Variants in SEMA3C observed in about 807,000 individuals in gnomAD.
SEMA3C encodes semaphorin 3C.
SEMA3C carries 47 observed loss-of-function variants against 89.4 expected under a neutral mutation model. The observed-to-expected ratio is 0.53, with a 90% confidence interval of 0.42 to 0.67. SEMA3C has a LOEUF of 0.67. Ranked by LOEUF, SEMA3C falls within the 30% of genes least tolerant of loss-of-function variation. The probability of loss-of-function intolerance (pLI) is 0.00; values close to 1 mark genes in which losing one functional copy is unlikely to be tolerated. For synonymous variants in SEMA3C, 310 were observed against 320.2 expected (o/e 0.97, Z 0.34); for missense variants, 839 against 929.1 (o/e 0.90, Z 1.26).
chr7:80,779,099 C>A lies in SEMA3C; in HGVS notation c.1354+10207G>T, dbSNP rs1175622766. On this transcript the variant is annotated intron_variant, in intron 12 of 17. Transcript: ENST00000265361. ...TCTTTGACTTATCTGTCTGAATAGT[C>A]CACCAAATCTTCAACTTGATGTGAG... 2.6e-5 allele frequency among the ~76,000 whole-genome samples: 4 copies of A among 152,092 alleles called. No homozygotes were observed. The East Asian group carries it at 7.7e-4, about 29-fold the overall frequency.
chr7:80,818,551 G>A, intron 4 of SEMA3C, 133 bp from the exon 5 acceptor site: 1 of 956,082 alleles, frequency 1.0e-6, no homozygotes, highest in Non-Finnish European at 1.5e-6. Flanking sequence ...TTAGTCCAGG[G>A]GCGTCCAATC....
chr7:80,774,569 A>T (rs1788503783), intron 12 of SEMA3C, among the ~76,000 whole-genome samples: 1 of 152,194 alleles, frequency 6.6e-6, no homozygotes, highest in African/African-American at 2.4e-5. Context: ...ATAATAACAG[A>T]AATAAAATAT....
chr7:80,900,902 T>A (rs185893432), intron 2 of SEMA3C, among the ~76,000 whole-genome samples: 1 of 152,222 alleles, frequency 6.6e-6, no homozygotes. Flanking sequence ...ATGGAAAATA[T>A]GTAATTTGTG....
chr7:80,815,279 T>A (rs1453401021), intron 5 of SEMA3C, among the ~76,000 whole-genome samples: 1 of 151,992 alleles, frequency 6.6e-6, no homozygotes, highest in African/African-American at 2.4e-5. Flanking sequence ...ATGTCACAGA[T>A]CGTTCTAGGA....
rs765917535 is a variant in SEMA3C, at chr7:80,754,964, T to TTTTGTTTTTTTTTGTTTTTTG, written c.1643+3366_1643+3367insCAAAAAACAAAAAAAAACAAA. Among the ~76,000 whole-genome samples, 50 of 129,196 alleles carry TTTTGTTTTTTTTTGTTTTTTG rather than the reference T, an allele frequency of 3.9e-4. No individual in the cohort carries two copies. The East Asian group carries it at 4.1e-3, about 11-fold the overall frequency. The allele number at this position is 129,196 out of a possible 152,430, so 84.8% of individuals were successfully genotyped here. On this transcript the variant is annotated intron_variant, in intron 15 of 17. Coordinates refer to ENST00000265361, the MANE Select transcript of SEMA3C (RefSeq NM_006379.5). ...GGCGAATTGTTTTTTTTTGTTTTTTTTTTTTTTGTATTTTTAGTAGAGATG... is the reference window on the plus strand; with the variant it reads ...GGCGAATTGTTTTTTTTTGTTTTTTTTTTGTTTTTTTTTGTTTTTTGTTTTTTTGTATTTTTAGTAGAGATG...
chr7:80,808,301 A>G, intron 6 of SEMA3C, among the ~76,000 whole-genome samples: 1 of 136,568 alleles, frequency 7.3e-6, no homozygotes, highest in Non-Finnish European at 1.7e-5. Flanking sequence ...GAAACAAATG[A>G]AAACTATATA....
intron 2 of SEMA3C, among the ~76,000 whole-genome samples, chr7:80,863,876 G>GTATGTGATATGTGATATATA (rs1790850467): frequency 1.7e-5 from 2 of 114,560 alleles, no homozygotes; most frequent in East Asian, 5.4e-4. Context: ...ACATATATAT[G>GTATGTGATATGTGATATATA]TATCACATAT....
At chr7:80,793,872 T>G (rs561926017) in intron 11 of SEMA3C, among the ~76,000 whole-genome samples, 4 of 150,984 alleles carry the variant, frequency 2.6e-5, no homozygotes, top group African/African-American at 9.7e-5. Flanking sequence ...ACCTAACACG[T>G]GGGGGATGAG....
intron 2 of SEMA3C, among the ~76,000 whole-genome samples, chr7:80,829,154 G>A (rs535202963): frequency 1.3e-5 from 2 of 152,030 alleles, no homozygotes; most frequent in South Asian, 4.1e-4. Context: ...GCAACAGAAC[G>A]AGACACTGCC....
At chr7:80,821,100 C>T (rs1479126635) in intron 4 of SEMA3C, among the ~76,000 whole-genome samples, 2 of 152,122 alleles carry the variant, frequency 1.3e-5, no homozygotes, top group Admixed American at 6.5e-5. Flanking sequence ...GAGTTTATTA[C>T]ATCCTAGACT....
At chr7:80,921,313 C>T (rs1042964321), upstream of SEMA3C, among the ~76,000 whole-genome samples, 1 of 152,200 alleles carries the variant, frequency 6.6e-6, no homozygotes, top group South Asian at 2.1e-4. Context: ...GTTGGCCACA[C>T]CTCAAAATGA....
At chr7:80,863,923 T>A (rs1434857506) in intron 2 of SEMA3C, among the ~76,000 whole-genome samples, 3 of 118,916 alleles carry the variant, frequency 2.5e-5, no homozygotes, top group Non-Finnish European at 5.0e-5. Flanking sequence ...CACATATATA[T>A]CATATATATC....
chr7:80,764,967 A>G (rs1458957313), intron 13 of SEMA3C, among the ~76,000 whole-genome samples, 188 bp downstream of exon 13: 1 of 152,210 alleles, frequency 6.6e-6, no homozygotes, highest in Non-Finnish European at 1.5e-5. Context: ...CTTGAAATGT[A>G]GGAAAATACT....
chr7:80,792,586 G>A (rs1173559759), intron 11 of SEMA3C, among the ~76,000 whole-genome samples: 1 of 152,142 alleles, frequency 6.6e-6, no homozygotes, highest in Non-Finnish European at 1.5e-5. Context: ...TGAAATCCAG[G>A]TTAACAATTA....
intron 2 of SEMA3C, among the ~76,000 whole-genome samples, chr7:80,858,734 A>G (rs1379336483): frequency 6.6e-6 from 1 of 152,178 alleles, no homozygotes; most frequent in Non-Finnish European, 1.5e-5. Context: ...TTCAAAATGC[A>G]TACATATTAG....
chr7:80,880,536 C>G (rs1193024456), intron 2 of SEMA3C, among the ~76,000 whole-genome samples: 1 of 152,192 alleles, frequency 6.6e-6, no homozygotes, highest in Non-Finnish European at 1.5e-5. Context: ...GGACAATTTA[C>G]AGAAATTTTT....
intron 12 of SEMA3C, 126 bp from the exon 13 acceptor site, chr7:80,765,369 T>G (rs1788275415): frequency 1.5e-6 from 1 of 646,710 alleles, no homozygotes; most frequent in Non-Finnish European, 2.7e-6. Flanking sequence ...ATTGTATGTA[T>G]TAAGCCACTG....
intron 2 of SEMA3C, among the ~76,000 whole-genome samples, chr7:80,898,863 T>C (rs995569726): frequency 9.9e-5 from 15 of 151,374 alleles, no homozygotes; most frequent in East Asian, 5.8e-4. Flanking sequence ...TTGGTCATAG[T>C]AGTGGCTTGA....
At chr7:80,823,463 TA>T (rs929681018) in intron 4 of SEMA3C, among the ~76,000 whole-genome samples, 2 of 152,120 alleles carry the variant, frequency 1.3e-5, no homozygotes, top group African/African-American at 4.8e-5. Flanking sequence ...AATAGATGTT[TA>T]AAAAATATAT....
Sources: gnomAD v4.1 joint callset for allele counts (sites outside exome capture counted in the v4.1 genomes callset) on GRCh38, gnomAD v4.1.1 for gene constraint, MANE v1.5 for transcripts, NCBI Gene and HGNC (gene_info 2026-07-23, HGNC 2026-07-21) for gene names.